HEG1: variants seen among roughly 807,000 people sequenced by gnomAD.
HEG1 encodes the protein protein HEG homolog 1.
In HEG1, 56 loss-of-function variants were observed where a neutral mutation model predicts 125.6. The observed-to-expected ratio is 0.45, with a 90% CI of 0.36 to 0.56. The LOEUF is 0.56. Among genes scored for constraint, HEG1 ranks in the 20% least tolerant of loss-of-function variants. HEG1 has a pLI of 0.00. For missense variants in HEG1, 1,523 were observed against 1,670.0 expected, an observed-to-expected ratio of 0.91 and a Z score of 1.53; for synonymous variants, 644 against 668.5, an observed-to-expected ratio of 0.96 and a Z score of 0.57.
chr3:125,029,172 G>T, intron 2 of HEG1, 23 bp downstream of exon 2: 1 of 1,602,556 alleles, frequency 6.2e-7, no homozygotes, highest in South Asian at 1.1e-5. Flanking sequence ...TGCGTGAAAT[G>T]CGCATCATCA....
At chr3:125,052,744 C>G (rs752898351) in intron 1 of HEG1, among the ~76,000 whole-genome samples, 1 of 152,226 alleles carries the variant, frequency 6.6e-6, no homozygotes, top group African/African-American at 2.4e-5. Context: ...ATCAGCTGAA[C>G]AGCCAGCAGG....
At chr3:125,015,288 A>G (rs1937228091) in intron 5 of HEG1, among the ~76,000 whole-genome samples, 1 of 152,224 alleles carries the variant, frequency 6.6e-6, no homozygotes, top group Non-Finnish European at 1.5e-5. Context: ...TCAGTGATAC[A>G]TAATAAATAG....
At chr3:125,015,927 T>G (rs1380142057) in intron 5 of HEG1, among the ~76,000 whole-genome samples, 1 of 152,098 alleles carries the variant, frequency 6.6e-6, no homozygotes, top group African/African-American at 2.4e-5. Flanking sequence ...CTAAATTCAT[T>G]TTGGGATAGG....
At chr3:125,008,011 G>T (rs1483707690) in intron 8 of HEG1, among the ~76,000 whole-genome samples, 3 of 151,948 alleles carry the variant, frequency 2.0e-5, no homozygotes, top group African/African-American at 7.3e-5. Context: ...CCGGGTTCAA[G>T]CAATTCTCAT....
intron 11 of HEG1, 24 bp downstream of exon 11, chr3:125,001,828 C>A (rs1474433038): frequency 6.2e-7 from 1 of 1,605,518 alleles, no homozygotes; most frequent in Admixed American, 1.7e-5. Context: ...TGGGTAGGAT[C>A]CTCCCAGAGG....
Position 125,005,354 on chromosome 3 carries a change from T to C in HEG1, c.3208A>G (p.Thr1070Ala), listed in dbSNP as rs779517875. The C allele has an allele frequency of 3.2e-6, 5 of 1,562,972 alleles. No homozygotes were observed. Among genetic ancestry groups the C allele is most frequent in the East Asian group, 2.2e-5 (1 of 44,548 alleles). Residue 1070 changes from threonine (T) to alanine (A), a missense_variant, in exon 9 of 17, where the codon ACA (threonine) becomes GCA (alanine). Coordinates refer to ENST00000311127, the MANE Select transcript of HEG1 (RefSeq NM_020733.2). ...GICNLVRTFV[T>A]EFKLKRTFLN... ...AAAGTTCTCTTTAATTTAAACTCTGTCACGAAGGTTCTAACTGAAAATGAA... is the reference window on the plus strand; with the variant it reads ...AAAGTTCTCTTTAATTTAAACTCTGCCACGAAGGTTCTAACTGAAAATGAA...
intron 14 of HEG1, among the ~76,000 whole-genome samples, chr3:124,982,279 C>G (rs1199194505): frequency 1.3e-5 from 2 of 152,192 alleles, no homozygotes; most frequent in African/African-American, 4.8e-5. Context: ...CCCCAGAGAT[C>G]TTCTTAAAAT....
intron 12 of HEG1, among the ~76,000 whole-genome samples, chr3:124,993,237 C>T (rs1936861204): frequency 6.6e-6 from 1 of 152,180 alleles, no homozygotes; most frequent in Admixed American, 6.5e-5. Flanking sequence ...TTCCTTCTGG[C>T]CTCAACAAAA....
rs370907011 is a variant in HEG1 at position 125,020,598 on chromosome 3, T to C, written c.1252+194A>G. On this transcript the variant is annotated intron_variant, in intron 4 of 16. Transcript: ENST00000311127. ...CTCAGAGCCGTAGTTTTCTCATCTA[T>C]AAGAAAGCAGGAGGAATGACACCTG... Among the ~76,000 whole-genome samples the C allele has an allele frequency of 5.3e-5, 8 of 152,264 alleles. 1 individual carries two copies. In the South Asian group the frequency reaches 1.0e-3, roughly 20 times the overall value.
chr3:125,002,326 G>A lies in HEG1; in HGVS notation c.3298-11C>T, dbSNP rs1234782294. 2 of 1,612,068 alleles carry A rather than the reference G, an allele frequency of 1.2e-6. No individual in the cohort carries two copies. Among genetic ancestry groups the A allele is most frequent in the Non-Finnish European group, 1.7e-6 (2 of 1,178,650 alleles). On this transcript the variant is annotated splice_polypyrimidine_tract_variant and intron_variant, in intron 9 of 16. Transcript: ENST00000311127. ...AAAACACATATTTAACTGAAAGGAA[G>A]AACAAGCCTGTCGTTAACAGTGAGT...
At chr3:124,973,967 C>T (rs1936491371) in intron 15 of HEG1, 62 bp from the exon 16 acceptor site, 5 of 1,123,268 alleles carry the variant, frequency 4.5e-6, no homozygotes, top group Non-Finnish European at 6.5e-6. Flanking sequence ...TGTGAAAGCA[C>T]CAACTATGAT....
At chr3:125,016,086 C>T (rs1024514568) in intron 5 of HEG1, among the ~76,000 whole-genome samples, 2 of 152,150 alleles carry the variant, frequency 1.3e-5, no homozygotes, top group African/African-American at 2.4e-5. Flanking sequence ...GATCTAAGTA[C>T]GATTTCTCTG....
Position 125,022,694 on chromosome 3 carries a change from AAG to A in HEG1, c.914-1566_914-1565del, listed in dbSNP as rs748256588. ...AACACACTTCAGTATTAAAAAAAAA[AAG>A]AAATAAATAAATAAAAAGAAAAGAA... On this transcript the variant is annotated intron_variant, in intron 3 of 16. Transcript: ENST00000311127. 1.4e-3 allele frequency among the ~76,000 whole-genome samples: 199 copies of A among 144,660 alleles called. 2 individuals carry two copies. In the East Asian group the frequency reaches 0.027, roughly 20 times the overall value. 94.9% of individuals were successfully genotyped at this position (144,660 alleles called of 152,430 possible).
chr3:125,031,029 T>C (rs140865745), intron 1 of HEG1, among the ~76,000 whole-genome samples: 1 of 152,266 alleles, frequency 6.6e-6, no homozygotes, highest in African/African-American at 2.4e-5. Flanking sequence ...ACACCCAAGA[T>C]GGTGGCAAAG....
intron 12 of HEG1, 23 bp from the exon 13 acceptor site, chr3:124,991,009 A>G (rs1415929326): frequency 1.3e-6 from 2 of 1,546,802 alleles, no homozygotes; most frequent in South Asian, 1.2e-5. Context: ...AGGAAAATGC[A>G]TGAGTGTGTC....
chr3:125,012,113 A>T (rs1315916538), intron 6 of HEG1, among the ~76,000 whole-genome samples: 19 of 152,224 alleles, frequency 1.2e-4, no homozygotes, highest in Admixed American at 1.2e-3. Flanking sequence ...TCCCTGGATC[A>T]AGAGAAGCCC....
At chr3:125,028,125 G>A (rs893540553) in intron 2 of HEG1, among the ~76,000 whole-genome samples, 3 of 152,086 alleles carry the variant, frequency 2.0e-5, no homozygotes, top group African/African-American at 7.2e-5. Context: ...CCACATCGCA[G>A]CACCTGGTGT....
At chr3:124,974,531 T>C (rs944632249) in intron 15 of HEG1, among the ~76,000 whole-genome samples, 3 of 152,172 alleles carry the variant, frequency 2.0e-5, no homozygotes, top group Non-Finnish European at 4.4e-5. Context: ...TCACAAGTCA[T>C]AAAAACAGAA....
chr3:125,017,260 G>A (rs1937265244), intron 5 of HEG1, among the ~76,000 whole-genome samples: 1 of 152,118 alleles, frequency 6.6e-6, no homozygotes, highest in Non-Finnish European at 1.5e-5. Flanking sequence ...TTGCCATGTT[G>A]GCCGGGCTGG....
Sources: allele counts gnomAD v4.1 joint callset (sites outside exome capture counted in the v4.1 genomes callset), GRCh38; gene constraint gnomAD v4.1.1; transcripts MANE v1.5; gene names NCBI Gene and HGNC (gene_info 2026-07-23, HGNC 2026-07-21).